Variants in SLC60A1 observed in about 807,000 individuals in gnomAD.
SLC60A1 encodes major facilitator superfamily domain containing 4.
the SLC60A1 span, among the ~76,000 whole-genome samples, chr1:205,585,780 G>C: frequency 1.3e-5 from 2 of 151,890 alleles, no homozygotes; most frequent in Admixed American, 1.3e-4. The surrounding 1 kb of genome is among the most constrained non-coding windows in gnomAD (Gnocchi z 4.2). Flanking sequence ...TGGAGATCCA[G>C]AGCCACCTCT....
the SLC60A1 span, among the ~76,000 whole-genome samples, chr1:205,591,079 T>TA: frequency 6.6e-6 from 1 of 152,234 alleles, no homozygotes; most frequent in African/African-American, 2.4e-5. Context: ...TATTCCCAGA[T>TA]ACATCTTGCA....
chr1:205,569,300 G>T, the SLC60A1 span: 16 of 1,513,776 alleles, frequency 1.1e-5, no homozygotes, highest in Non-Finnish European at 1.4e-5. Flanking sequence ...TCAAAAGGAC[G>T]TGAGTGCCGC....
At chr1:205,590,324 T>C in the SLC60A1 span, among the ~76,000 whole-genome samples, 1 of 152,236 alleles carries the variant, frequency 6.6e-6, no homozygotes, top group Non-Finnish European at 1.5e-5. Context: ...GGGACCATGT[T>C]CTGTGCCAAA....
At chr1:205,578,804 C>G in the SLC60A1 span, among the ~76,000 whole-genome samples, 15,405 of 152,250 alleles carry the variant, frequency 0.1, 886 homozygotes, top group Middle Eastern at 0.17. Flanking sequence ...GGGCTCTCTC[C>G]CTTTTCATAA....
the SLC60A1 span, among the ~76,000 whole-genome samples, chr1:205,594,378 G>A: frequency 1.3e-5 from 2 of 152,222 alleles, no homozygotes; most frequent in African/African-American, 2.4e-5. Flanking sequence ...AAGTGAGGCT[G>A]GGTGCAGTGG....
chr1:205,592,036 T>TGTG, the SLC60A1 span: 1 of 1,500,900 alleles, frequency 6.7e-7, no homozygotes, highest in Non-Finnish European at 9.1e-7. Context: ...CTCCTTGGGC[T>TGTG]AGAGAGGAAA....
chr1:205,571,366 C>T, the SLC60A1 span, among the ~76,000 whole-genome samples: 1 of 152,168 alleles, frequency 6.6e-6, no homozygotes, highest in Non-Finnish European at 1.5e-5. Flanking sequence ...GTAAACTCTG[C>T]AGATCAGGCA....
At chr1:205,591,761 C>T in the SLC60A1 span, among the ~76,000 whole-genome samples, 1 of 152,186 alleles carries the variant, frequency 6.6e-6, no homozygotes, top group Non-Finnish European at 1.5e-5. Flanking sequence ...ACTCTCCTAC[C>T]CCCAGGGCTG....
the SLC60A1 span, chr1:205,579,901 C>T: frequency 6.2e-7 from 1 of 1,614,158 alleles, no homozygotes; most frequent in East Asian, 2.2e-5. Context: ...CCGTGGCCAA[C>T]ATGCAGCTGG....
the SLC60A1 span, among the ~76,000 whole-genome samples, chr1:205,584,410 G>C: frequency 1.3e-4 from 19 of 151,680 alleles, no homozygotes; most frequent in Admixed American, 1.2e-3. Context: ...TTAAAGTAGA[G>C]AAGGGGTTTC....
chr1:205,579,977 G>A, the SLC60A1 span: 2 of 1,599,930 alleles, frequency 1.3e-6, no homozygotes, highest in Middle Eastern at 3.4e-4. Context: ...GCACAGGGCT[G>A]GGAGCTGGGG....
At chr1:205,582,835 G>A in the SLC60A1 span, among the ~76,000 whole-genome samples, 1 of 152,338 alleles carries the variant, frequency 6.6e-6, no homozygotes, top group Non-Finnish European at 1.5e-5. Flanking sequence ...GGTGGTTTTT[G>A]TCTTTCACTC....
the SLC60A1 span, among the ~76,000 whole-genome samples, chr1:205,573,626 G>T: frequency 6.6e-6 from 1 of 152,142 alleles, no homozygotes; most frequent in African/African-American, 2.4e-5. Context: ...AACTAAATTA[G>T]TAGTTGCCTA....
At chr1:205,580,992 C>T in the SLC60A1 span, 35 of 1,536,372 alleles carry the variant, frequency 2.3e-5, no homozygotes, top group Non-Finnish European at 5.3e-6. The surrounding 1 kb of genome is among the most constrained non-coding windows in gnomAD (Gnocchi z 5.0). Context: ...ACCCCACACC[C>T]AGTGAAGATT....
the SLC60A1 span, chr1:205,579,698 G>T: frequency 1.9e-6 from 3 of 1,596,364 alleles, no homozygotes; most frequent in South Asian, 1.1e-5. Context: ...GGAGGAGAAG[G>T]GGGAGGGGAT....
the SLC60A1 span, chr1:205,598,831 G>C: frequency 7.3e-6 from 3 of 412,024 alleles, no homozygotes; most frequent in Admixed American, 4.1e-5. Context: ...GAAACACCTA[G>C]TATGACTGGA....
At chr1:205,572,300 C>T in the SLC60A1 span, among the ~76,000 whole-genome samples, 2 of 152,036 alleles carry the variant, frequency 1.3e-5, no homozygotes, top group Non-Finnish European at 2.9e-5. Context: ...AATTAGGAGA[C>T]CCCTTTATCT....
the SLC60A1 span, among the ~76,000 whole-genome samples, chr1:205,590,043 G>T: frequency 6.6e-6 from 1 of 152,218 alleles, no homozygotes. Context: ...ATGTGTGCAG[G>T]AGTAGGATTG....
At chr1:205,599,393 C>T in the SLC60A1 span, 1 of 1,078,068 alleles carries the variant, frequency 9.3e-7, no homozygotes, top group African/African-American at 1.6e-5. Flanking sequence ...GTTTATTTTT[C>T]TACAGCTTCC....
Sources: allele counts gnomAD v4.1 joint callset (sites outside exome capture counted in the v4.1 genomes callset), GRCh38; gene constraint gnomAD v4.1.1; non-coding constraint Gnocchi (gnomAD v3.1); transcripts MANE v1.5; gene names NCBI Gene and HGNC (gene_info 2026-07-23, HGNC 2026-07-21).